Variants in COL5A2 observed in about 807,000 individuals in gnomAD.
COL5A2 encodes the protein collagen type V alpha 2 chain.
A neutral mutation model predicts 208.2 loss-of-function variants in COL5A2; 23 were observed. The observed-to-expected ratio is 0.11, with a 90% CI of 0.08 to 0.16. COL5A2 has a LOEUF of 0.16. COL5A2 is among the 10% of genes least tolerant of loss of function. COL5A2 has a pLI of 1.00. For missense variants in COL5A2, 1,590 were observed against 1,956.4 expected, an observed-to-expected ratio of 0.81 and a Z score of 3.53; for synonymous variants, 625 against 628.5, an observed-to-expected ratio of 0.99 and a Z score of 0.08.
chr2:189,070,018 A>C (rs1373557229), intron 18 of COL5A2, among the ~76,000 whole-genome samples: 1 of 152,320 alleles, frequency 6.6e-6, no homozygotes, highest in South Asian at 2.1e-4. Context: ...GAAGTGGTTA[A>C]GGTAACTTAA....
intron 18 of COL5A2, among the ~76,000 whole-genome samples, chr2:189,071,023 T>C (rs1018433610): frequency 6.6e-6 from 1 of 152,214 alleles, no homozygotes; most frequent in African/African-American, 2.4e-5. Context: ...TCAAGGAATA[T>C]CTGAAATGTC....
intron 4 of COL5A2, among the ~76,000 whole-genome samples, chr2:189,099,379 G>A (rs1219178318): frequency 1.3e-5 from 2 of 151,964 alleles, no homozygotes; most frequent in Non-Finnish European, 2.9e-5. Flanking sequence ...TAAAACTTAG[G>A]AGAATGAGGC....
At chr2:189,364,680 T>C in the COL5A2 span, among the ~76,000 whole-genome samples, 1 of 150,356 alleles carries the variant, frequency 6.7e-6, no homozygotes, top group African/African-American at 2.5e-5. Context: ...CAAGACTCTG[T>C]CTCAGAAAAA....
chr2:189,098,043 T>TCCC (rs1341028709), intron 5 of COL5A2, among the ~76,000 whole-genome samples: 2 of 151,410 alleles, frequency 1.3e-5, no homozygotes. Flanking sequence ...TTTCCCCCCC[T>TCCC]GGGAAATGGC....
chr2:189,080,956 A>C, intron 13 of COL5A2, 34 bp downstream of exon 13: 6 of 1,572,718 alleles, frequency 3.8e-6, no homozygotes, highest in Non-Finnish European at 5.3e-6. Flanking sequence ...ACTAAACCAC[A>C]GTATCTGAGA....
chr2:189,162,586 A>T (rs1688389459), intron 1 of COL5A2, among the ~76,000 whole-genome samples: 1 of 152,220 alleles, frequency 6.6e-6, no homozygotes, highest in Non-Finnish European at 1.5e-5. Flanking sequence ...ATTGAGGAGT[A>T]CATTAAGCTA....
chr2:189,220,730 A>G (rs1364321225), intron 1 of COL5A2, among the ~76,000 whole-genome samples: 1 of 152,228 alleles, frequency 6.6e-6, no homozygotes, highest in Non-Finnish European at 1.5e-5. Flanking sequence ...TACAATACTT[A>G]AAATTAAAAG....
the COL5A2 span, among the ~76,000 whole-genome samples, chr2:189,427,415 C>T: frequency 2.6e-5 from 4 of 152,108 alleles, no homozygotes; most frequent in South Asian, 8.3e-4. Context: ...AGGGGCAGAG[C>T]CCTCACGGAG....
At position 189,110,458 on chromosome 2, in the gene COL5A2, A is replaced by G; in HGVS notation, c.98-9T>C. ...TTCTTCACCATATCCTTCTAAAATA[A>G]GAAAAGAAAGAAGAGGTTAGTAATC... On this transcript the variant is annotated splice_polypyrimidine_tract_variant and intron_variant, in intron 1 of 53. Coordinates refer to ENST00000374866, the MANE Select transcript of COL5A2 (RefSeq NM_000393.5). 6.2e-7 allele frequency: 1 copy of G among 1,605,546 alleles called. No individual in the cohort carries two copies. Among genetic ancestry groups the G allele is most frequent in the Non-Finnish European group, 8.5e-7 (1 of 1,172,238 alleles).
the COL5A2 span, among the ~76,000 whole-genome samples, chr2:189,327,546 A>G: frequency 6.6e-6 from 1 of 152,324 alleles, no homozygotes; most frequent in East Asian, 1.9e-4. Context: ...CTAAAGAGAT[A>G]TGTGCGAAAT....
chr2:189,421,489 C>T, the COL5A2 span, among the ~76,000 whole-genome samples: 3 of 152,186 alleles, frequency 2.0e-5, no homozygotes, highest in East Asian at 5.8e-4. Context: ...GCACCCCTTC[C>T]CCAACCCCAG....
At chr2:189,151,704 A>G (rs1009192150) in intron 1 of COL5A2, among the ~76,000 whole-genome samples, 1 of 152,180 alleles carries the variant, frequency 6.6e-6, no homozygotes, top group African/African-American at 2.4e-5. Context: ...AAAACCCACT[A>G]GTGTACCTTC....
chr2:189,039,692 G>A lies in COL5A2; in HGVS notation c.3634-129C>T, dbSNP rs62184176. 3.2e-4 allele frequency: 279 copies of A among 865,798 alleles called. 1 individual carries two copies. The highest frequency in any genetic ancestry group is 4.5e-4 in the Non-Finnish European group (257 of 571,002). The allele number at this position is 865,798 out of a possible 1,614,324, so 53.6% of individuals were successfully genotyped here. A position where few individuals can be genotyped will look rare whatever the true frequency, so the allele number is the denominator to read the frequency against. Reference sequence around the variant, plus strand: ...CAGTAAAGGGAGATCTATGACTCGCGCCCTTTTGTAACTAGATGGGGGTGG... The same window carrying A: ...CAGTAAAGGGAGATCTATGACTCGCACCCTTTTGTAACTAGATGGGGGTGG... On this transcript the variant is annotated intron_variant, in intron 50 of 53. Transcript: ENST00000374866.
the COL5A2 span, among the ~76,000 whole-genome samples, chr2:189,351,615 A>G: frequency 6.6e-6 from 1 of 152,170 alleles, no homozygotes; most frequent in Non-Finnish European, 1.5e-5. Context: ...TTTGAATTTT[A>G]ATTTGCTGCT....
chr2:189,035,523 A>T (rs920335516), intron 52 of COL5A2, among the ~76,000 whole-genome samples: 1 of 152,044 alleles, frequency 6.6e-6, no homozygotes, highest in Non-Finnish European at 1.5e-5. Flanking sequence ...TTTGACCCCA[A>T]CTATTACACA....
chr2:189,116,488 A>G (rs952429672), intron 1 of COL5A2, among the ~76,000 whole-genome samples: 2 of 152,210 alleles, frequency 1.3e-5, no homozygotes, highest in African/African-American at 4.8e-5. Context: ...CCAAATTTGA[A>G]AAGTTAGATA....
At chr2:189,249,824 G>C in the COL5A2 span, among the ~76,000 whole-genome samples, 1 of 152,094 alleles carries the variant, frequency 6.6e-6, no homozygotes, top group Non-Finnish European at 1.5e-5. Flanking sequence ...AGCTTCCCAA[G>C]TAGCTGGCAT....
chr2:189,100,301 T>C (rs1687022877), intron 3 of COL5A2, among the ~76,000 whole-genome samples, 162 bp from the exon 4 acceptor site: 1 of 152,090 alleles, frequency 6.6e-6, no homozygotes, highest in Admixed American at 6.6e-5. Context: ...GGATATTTAG[T>C]CAGATATTAC....
In COL5A2 at chr2:189,036,694, T is replaced by A. The variant is rs2153506152; in HGVS notation, c.4035A>T (p.Pro1345=). 2 of 1,613,856 alleles carry A rather than the reference T, an allele frequency of 1.2e-6. No homozygotes were observed. Among genetic ancestry groups the A allele is most frequent in the Non-Finnish European group, 1.7e-6 (2 of 1,179,768 alleles). Residue 1345 remains proline, a synonymous_variant, in exon 52 of 54, where the codon CCA becomes CCT. Coordinates refer to ENST00000374866, the MANE Select transcript of COL5A2 (RefSeq NM_000393.5). The part of the protein sequence containing the change: ...TCISANPSSV[P]RKTWWASKSP... ...ATTTACTGGCCCACCAGGTTTTACGTGGTACACTGGATGGGTTTGCTGAAA... is the reference window on the plus strand; with the variant it reads ...ATTTACTGGCCCACCAGGTTTTACGAGGTACACTGGATGGGTTTGCTGAAA...
Sources: allele counts gnomAD v4.1 joint callset (sites outside exome capture counted in the v4.1 genomes callset), GRCh38; gene constraint gnomAD v4.1.1; transcripts MANE v1.5; gene names NCBI Gene and HGNC (gene_info 2026-07-23, HGNC 2026-07-21).